Variants in DMAC2 observed in about 807,000 individuals in gnomAD.
The protein encoded by DMAC2 is distal membrane-arm assembly complex protein 2.
In DMAC2, 32 loss-of-function variants were observed where a neutral mutation model predicts 29.6. The observed-to-expected ratio is 1.08, with a 90% CI of 0.81 to 1.45. DMAC2 has a LOEUF of 1.45. Among genes scored for constraint, DMAC2 ranks in the 40% most tolerant of loss-of-function variants. DMAC2 has a pLI of 0.00. For missense variants in DMAC2, 319 were observed against 340.0 expected (o/e 0.94, Z 0.49); for synonymous variants, 133 against 137.4 (o/e 0.97, Z 0.23).
chr19:41,433,623 T>C lies in DMAC2; in HGVS notation c.347A>G (p.Gln116Arg), dbSNP rs2039700269. The C allele has an allele frequency of 6.2e-7, 1 of 1,614,198 alleles. No individual in the cohort carries two copies. The highest frequency in any genetic ancestry group is 1.7e-5 in the Admixed American group (1 of 60,018). ...CACTTCACAGAAATTCCAGAACTCC[T>C]GAGAGAAATGGCCATACTTATCTGG... ...IRPDKYGHFS[Q>R]EFWNFCEVPV... is the part of the protein sequence containing the mutation. The change falls in exon 4 of 6, where the codon CAG becomes CGG. Residue 116 changes from glutamine to arginine, a missense_variant. Gln to Arg is a conservative substitution (Grantham distance 43, BLOSUM62 1). Transcript: ENST00000221943.
In DMAC2 at chr19:41,432,214, G is replaced by C; in HGVS notation, c.*17C>G. 6.2e-7 allele frequency: 1 copy of C among 1,605,660 alleles called. No individual in the cohort carries two copies. Among genetic ancestry groups the C allele is most frequent in the Non-Finnish European group, 8.5e-7 (1 of 1,174,418 alleles). On this transcript the variant is annotated 3_prime_UTR_variant, in exon 6 of 6. Coordinates refer to ENST00000221943, the MANE Select transcript of DMAC2 (RefSeq NM_018035.3). ...CAGCCCGCTGAGAAGCCACGTGAGT[G>C]GGGACAGGGCTAAAGGCTAGGCAGG...
chr19:41,438,221 T>A lies in DMAC2; in HGVS notation c.212A>T (p.Asn71Ile). Residue 71 changes from asparagine to isoleucine, a missense_variant, in exon 2 of 6, where the codon AAT becomes ATT. Coordinates refer to ENST00000221943, the MANE Select transcript of DMAC2 (RefSeq NM_018035.3). ...QREMYKVHEK[N>I]RSYTWLEKQH... ...CTTGCAGACCAGGGATTCTCACCGATTTTTCTCATGCACCTTGTACATCTC... is the reference window on the plus strand; with the variant it reads ...CTTGCAGACCAGGGATTCTCACCGAATTTTCTCATGCACCTTGTACATCTC... The A allele has an allele frequency of 6.2e-7, 1 of 1,613,520 alleles. No individual in the cohort carries two copies. Among genetic ancestry groups the A allele is most frequent in the Non-Finnish European group, 8.5e-7 (1 of 1,179,504 alleles).
intron 5 of DMAC2, 136 bp from the exon 6 acceptor site, chr19:41,432,544 TA>T: frequency 1.3e-6 from 1 of 762,270 alleles, no homozygotes; most frequent in Non-Finnish European, 2.1e-6. Flanking sequence ...TGTGTGTGTA[TA>T]GGGAGGTACA....
chr19:41,438,526 C>T (rs1182072750), intron 1 of DMAC2, 112 bp from the exon 2 acceptor site: 11 of 908,436 alleles, frequency 1.2e-5, no homozygotes, highest in Non-Finnish European at 1.7e-5. Context: ...CCAACTCACC[C>T]TAAGTTCTTC....
At chr19:41,433,090 GTCATTTAATTCT>G in intron 5 of DMAC2, 170 bp downstream of exon 5, 1 of 664,922 alleles carries the variant, frequency 1.5e-6, no homozygotes, top group Non-Finnish European at 2.4e-6. Flanking sequence ...AAAACCAGGA[GTCATTTAATTCT>G]TCCAGAGACT....
At chr19:41,439,758 G>C (rs2040058607) in intron 1 of DMAC2, 124 bp downstream of exon 1, 3 of 1,509,328 alleles carry the variant, frequency 2.0e-6, no homozygotes, top group African/African-American at 1.4e-5. Flanking sequence ...CCCAGTACGG[G>C]GCTTGCCAGG....
rs1555770134 is a variant in DMAC2, at chr19:41,433,418, G to A, written c.450C>T (p.Leu150=). The A allele has an allele frequency of 3.1e-6, 5 of 1,613,610 alleles. No homozygotes were observed. The African/African-American group carries it at 5.3e-5, about 17-fold the overall frequency. The part of the protein sequence containing the change: ...GLDNLLRLKE[L]QSLSLQRCCH... ...AGCAGCGCTGCAGCGACAAGGACTG[G>A]AGCTCCTTCAGGCGGACTGCGGTGG... is the stretch of plus-strand genomic sequence containing the variant. The change falls in exon 5 of 6, where the codon CTC becomes CTT. Residue 150 remains leucine (L), a synonymous_variant. Coordinates refer to ENST00000221943, the MANE Select transcript of DMAC2 (RefSeq NM_018035.3).
In DMAC2 at chr19:41,433,435, C is replaced by T. The variant is rs781985153; in HGVS notation, c.434-1G>A. The stretch of plus-strand genomic sequence containing the variant: ...AAGGACTGGAGCTCCTTCAGGCGGA[C>T]TGCGGTGGGGAGAGGGTGGGATGGC... On this transcript the variant is annotated splice_acceptor_variant, in intron 4 of 5. Coordinates refer to ENST00000221943, the MANE Select transcript of DMAC2 (RefSeq NM_018035.3). LOFTEE classifies it high-confidence loss of function. The T allele has an allele frequency of 1.9e-6, 3 of 1,613,308 alleles. No individual in the cohort carries two copies. Among genetic ancestry groups the T allele is most frequent in the African/African-American group, 1.3e-5 (1 of 74,924 alleles).
rs1378624642 is a variant in DMAC2 at position 41,439,881 on chromosome 19, C to A, written c.18+1G>T. 7 of 1,614,100 alleles carry A rather than the reference C, an allele frequency of 4.3e-6. No homozygotes were observed. The highest frequency in any genetic ancestry group is 1.3e-5 in the African/African-American group (1 of 74,926). ...GGGCTCTAGGAACTCCGGTCACTTA[C>A]CGCCCAGGGAGCCGCCATCTTGCTA... is the stretch of plus-strand genomic sequence containing the variant. On this transcript the variant is annotated splice_donor_variant, in intron 1 of 5. Coordinates refer to ENST00000221943, the MANE Select transcript of DMAC2 (RefSeq NM_018035.3). LOFTEE classifies it high-confidence loss of function.
At chr19:41,436,971 G>A (rs1325645250) in intron 2 of DMAC2, among the ~76,000 whole-genome samples, 1 of 152,280 alleles carries the variant, frequency 6.6e-6, no homozygotes, top group East Asian at 1.9e-4. Context: ...TCATGCTGAA[G>A]GGGCCAGTGG....
chr19:41,439,826 G>A, intron 1 of DMAC2, 56 bp downstream of exon 1: 2 of 1,613,076 alleles, frequency 1.2e-6, no homozygotes, highest in Admixed American at 1.7e-5. Context: ...GGCCCTGAAT[G>A]CGGAGGCTGT....
intron 2 of DMAC2, among the ~76,000 whole-genome samples, chr19:41,437,981 G>A (rs546544638): frequency 6.6e-6 from 1 of 152,356 alleles, no homozygotes. Context: ...AGAAATCAGG[G>A]TTTGGCTTTA....
At chr19:41,439,702 A>C (rs1600039706) in intron 1 of DMAC2, 180 bp downstream of exon 1, 2 of 1,306,238 alleles carry the variant, frequency 1.5e-6, no homozygotes, top group Non-Finnish European at 2.1e-6. Flanking sequence ...TCCGCCTGCG[A>C]CCCTCACAGA....
chr19:41,439,069 C>T (rs2040020286), intron 1 of DMAC2: 1 of 195,920 alleles, frequency 5.1e-6, no homozygotes, highest in African/African-American at 2.4e-5. Flanking sequence ...ACCCCTGAAC[C>T]GAGAAGGGTA....
Position 41,431,571 on chromosome 19 carries a change from A to T in DMAC2, c.*660T>A, listed in dbSNP as rs528808892. 1 of 326,900 alleles carries T rather than the reference A, an allele frequency of 3.1e-6. No homozygotes were observed. Among genetic ancestry groups the T allele is most frequent in the South Asian group, 2.5e-5 (1 of 39,486 alleles). 20.2% of individuals were successfully genotyped at this position (326,900 alleles called of 1,614,324 possible). A position where few individuals can be genotyped will look rare whatever the true frequency, so the allele number is the denominator to read the frequency against. On this transcript the variant is annotated 3_prime_UTR_variant, in exon 6 of 6. Transcript: ENST00000221943. ...GCTGGGTGCTGGGGAAGCCACATGC[A>T]CTGCGGCGTCCAGAGGCAGAAGCAC...
At chr19:41,439,534 T>A (rs1199787228) in intron 1 of DMAC2, 16 of 1,536,890 alleles carry the variant, frequency 1.0e-5, no homozygotes, top group Non-Finnish European at 1.4e-5. Context: ...TTCCAAGCTC[T>A]CTTATCCTAC....
chr19:41,436,536 G>A (rs2039874336), intron 2 of DMAC2, 64 bp from the exon 3 acceptor site: 3 of 1,332,006 alleles, frequency 2.3e-6, no homozygotes, highest in Admixed American at 3.4e-5. Flanking sequence ...CGATGCCCCA[G>A]TGCTGTTAAG....
rs782688425 is a variant in DMAC2, at chr19:41,433,529, G to A, written c.433+8C>T. On this transcript the variant is annotated splice_region_variant and intron_variant, in intron 4 of 5. Transcript: ENST00000221943. ...AGGCCTGTCCCATCTCCACCCCACC[G>A]CACTCACGGAGGTTATCCAGGCCCT... 2.1e-5 allele frequency: 34 copies of A among 1,614,068 alleles called. No homozygotes were observed. Among genetic ancestry groups the A allele is most frequent in the Admixed American group, 1.0e-4 (6 of 60,002 alleles).
intron 3 of DMAC2, among the ~76,000 whole-genome samples, chr19:41,434,040 G>A (rs185373481): frequency 3.3e-5 from 5 of 152,002 alleles, no homozygotes; most frequent in Admixed American, 1.3e-4. Context: ...AAACCATCCT[G>A]GCTAATACAC....
Sources: allele counts gnomAD v4.1 joint callset (sites outside exome capture counted in the v4.1 genomes callset), GRCh38; gene constraint gnomAD v4.1.1; transcripts MANE v1.5; gene names NCBI Gene and HGNC (gene_info 2026-07-23, HGNC 2026-07-21).